The following PPM1E variants were observed in gnomAD, a reference collection of about 807,000 sequenced individuals.
PPM1E encodes protein phosphatase 1E.
Under a neutral mutation model 65.9 loss-of-function variants are expected in PPM1E, and 20 were observed. The observed-to-expected ratio is 0.30, with a 90% CI of 0.21 to 0.44. The LOEUF (loss-of-function observed/expected upper bound fraction) is 0.44, where lower values mean the gene tolerates loss of function less well. Ranked by LOEUF, PPM1E falls within the 20% of genes least tolerant of loss-of-function variation. PPM1E has a pLI of 1.00. For synonymous variants in PPM1E, 352 were observed against 374.9 expected (o/e 0.94, Z 0.70); for missense variants, 713 against 953.1 (o/e 0.75, Z 3.32).
At chr17:58,854,794 T>A (rs1005341070) in intron 1 of PPM1E, among the ~76,000 whole-genome samples, 4 of 152,180 alleles carry the variant, frequency 2.6e-5, no homozygotes, top group African/African-American at 4.8e-5. Flanking sequence ...GCTGCTGAAT[T>A]CTGTTTCTAG....
chr17:58,867,267 C>T (rs766504642), intron 1 of PPM1E, among the ~76,000 whole-genome samples: 1 of 152,168 alleles, frequency 6.6e-6, no homozygotes, highest in Non-Finnish European at 1.5e-5. Flanking sequence ...CATGAGCCAT[C>T]GCGCCCTGCC....
intron 5 of PPM1E, 34 bp downstream of exon 5, chr17:58,972,309 C>A (rs1337096824): frequency 1.9e-6 from 3 of 1,576,714 alleles, no homozygotes; most frequent in Non-Finnish European, 2.6e-6. Context: ...AGCCCATGCT[C>A]TAGTTATTAG....
intron 1 of PPM1E, among the ~76,000 whole-genome samples, chr17:58,886,798 C>T (rs1312910053): frequency 1.3e-5 from 2 of 152,236 alleles, no homozygotes; most frequent in Non-Finnish European, 2.9e-5. Flanking sequence ...CAAAAGATTA[C>T]ATATGAAAGG....
At chr17:58,842,362 C>T (rs1253360056) in intron 1 of PPM1E, among the ~76,000 whole-genome samples, 1 of 152,116 alleles carries the variant, frequency 6.6e-6, no homozygotes, top group Non-Finnish European at 1.5e-5. Flanking sequence ...AAACTATGGA[C>T]CAGTTAATAA....
Position 58,965,770 on chromosome 17 carries a change from C to G in PPM1E, c.660C>G (p.Phe220Leu), listed in dbSNP as rs1264987657. The change falls in exon 3 of 7, where the codon TTC becomes TTG. Residue 220 changes from phenylalanine (F) to leucine (L), a missense_variant. Physicochemically the swap from Phe to Leu is conservative, Grantham distance 22. Around this residue, in one of 6 missense-constraint regions of PPM1E, gnomAD observed 84 missense variants for 113.9 expected, o/e 0.74. Transcript: ENST00000308249. ...TTTGCTGCAGCTGGGTGAAAGACTT[C>G]CCCCTCCGCAGGAGACCCCAGCTTT... Reference protein sequence around the residue: ...HEICCSWVKDFPLRRRPQLYY... With the variant: ...HEICCSWVKDLPLRRRPQLYY... 2 of 1,614,096 alleles carry G rather than the reference C, an allele frequency of 1.2e-6. No homozygotes were observed. The highest frequency in any genetic ancestry group is 2.2e-5 in the East Asian group (1 of 44,860).
chr17:58,835,533 T>C (rs1382426744), intron 1 of PPM1E, among the ~76,000 whole-genome samples: 1 of 152,126 alleles, frequency 6.6e-6, no homozygotes, highest in Non-Finnish European at 1.5e-5. Context: ...AAAACATATA[T>C]TTTTGACTGA....
intron 1 of PPM1E, among the ~76,000 whole-genome samples, chr17:58,877,051 G>A (rs1353944268): frequency 6.6e-6 from 1 of 152,192 alleles, no homozygotes; most frequent in Non-Finnish European, 1.5e-5. Context: ...CCAAAGTGCT[G>A]GGATTACAGG....
chr17:58,870,387 T>C (rs2051056001), intron 1 of PPM1E, among the ~76,000 whole-genome samples: 1 of 152,184 alleles, frequency 6.6e-6, no homozygotes, highest in Admixed American at 6.5e-5. Flanking sequence ...ATGTTTGTTA[T>C]ATGGGTATAT....
At chr17:58,927,642 G>A (rs2051840535) in intron 1 of PPM1E, among the ~76,000 whole-genome samples, 1 of 152,062 alleles carries the variant, frequency 6.6e-6, no homozygotes, top group Admixed American at 6.6e-5. Context: ...AGGGGTGTTG[G>A]CTCACTCCTG....
chr17:58,909,924 C>CTTTTTTTTTTTTTTTTTTTTTTTTTTT (rs35833275), intron 1 of PPM1E, among the ~76,000 whole-genome samples: 7 of 90,038 alleles, frequency 7.8e-5, no homozygotes, highest in Non-Finnish European at 1.2e-4. Context: ...TTTTCTTTTT[C>CTTTTTTTTTTTTTTTTTTTTTTTTTTT]TTTTTTTTTT....
At chr17:58,940,762 G>C (rs1258746904) in intron 1 of PPM1E, among the ~76,000 whole-genome samples, 1 of 152,072 alleles carries the variant, frequency 6.6e-6, no homozygotes, top group Non-Finnish European at 1.5e-5. Flanking sequence ...CCAGGCTGGA[G>C]TGCAGTGGTG....
At chr17:58,978,925 G>A (rs1355043706) in intron 6 of PPM1E, among the ~76,000 whole-genome samples, 1 of 152,068 alleles carries the variant, frequency 6.6e-6, no homozygotes, top group Admixed American at 6.5e-5. Context: ...GTGGTCCCAA[G>A]GTCTGCAGTC....
At chr17:58,784,190 T>A (rs2050076130) in intron 1 of PPM1E, among the ~76,000 whole-genome samples, 1 of 150,972 alleles carries the variant, frequency 6.6e-6, no homozygotes. Flanking sequence ...ACCCAGCTAA[T>A]TTTTTGTATT....
intron 1 of PPM1E, among the ~76,000 whole-genome samples, chr17:58,939,646 T>G (rs2052036616): frequency 6.6e-6 from 1 of 152,170 alleles, no homozygotes; most frequent in South Asian, 2.1e-4. Context: ...GGGCCCCTAA[T>G]TAATGATTTT....
chr17:58,934,141 A>G (rs1458122516), intron 1 of PPM1E, among the ~76,000 whole-genome samples: 8 of 151,178 alleles, frequency 5.3e-5, no homozygotes, highest in Non-Finnish European at 7.4e-5. Context: ...TGACTAGAAG[A>G]GTTGAAGTTG....
chr17:58,783,466 G>A (rs2050068444), intron 1 of PPM1E, among the ~76,000 whole-genome samples: 1 of 152,142 alleles, frequency 6.6e-6, no homozygotes, highest in Non-Finnish European at 1.5e-5. Context: ...TTTGAATAAA[G>A]GAGGTTGGTT....
At chr17:58,878,301 G>A (rs1283666830) in intron 1 of PPM1E, among the ~76,000 whole-genome samples, 3 of 151,962 alleles carry the variant, frequency 2.0e-5, no homozygotes, top group African/African-American at 7.2e-5. Flanking sequence ...GGAGTGCAGT[G>A]GCGCCATCTC....
intron 1 of PPM1E, among the ~76,000 whole-genome samples, chr17:58,866,868 A>G (rs1376539544): frequency 6.6e-6 from 1 of 152,260 alleles, no homozygotes. Flanking sequence ...TCTCAGGACC[A>G]CTAGAAGTCT....
At chr17:58,830,786 G>A (rs935383649) in intron 1 of PPM1E, among the ~76,000 whole-genome samples, 98 of 151,476 alleles carry the variant, frequency 6.5e-4, no homozygotes, top group Non-Finnish European at 8.4e-4. Context: ...CTGGGTTCAA[G>A]CAATACTCCT....
Sources: gnomAD v4.1 joint callset for allele counts (sites outside exome capture counted in the v4.1 genomes callset) on GRCh38, gnomAD v4.1.1 for gene constraint, gnomAD v4.1.1 regional missense constraint, MANE v1.5 for transcripts, NCBI Gene and HGNC (gene_info 2026-07-23, HGNC 2026-07-21) for gene names.